The following ASH2L variants were observed in gnomAD, a reference collection of about 807,000 sequenced individuals.
The protein encoded by ASH2L is set1/Ash2 histone methyltransferase complex subunit ASH2.
ASH2L carries 30 observed loss-of-function variants against 81.1 expected under a neutral mutation model. The observed-to-expected ratio is 0.37, with a 90% CI of 0.28 to 0.50. The LOEUF (loss-of-function observed/expected upper bound fraction) is 0.50. Ranked by LOEUF, ASH2L falls within the 20% of genes least tolerant of loss-of-function variation. ASH2L has a pLI of 0.95. For missense variants in ASH2L, 559 were observed against 792.1 expected (o/e 0.71, Z 3.53); for synonymous variants, 273 against 279.9 (o/e 0.98, Z 0.24).
At chr8:38,122,033 T>C (rs1801650807) in intron 10 of ASH2L, among the ~76,000 whole-genome samples, 2 of 152,186 alleles carry the variant, frequency 1.3e-5, no homozygotes, top group South Asian at 4.1e-4. Flanking sequence ...ATGACTGTGT[T>C]GTATGATGAT....
intron 9 of ASH2L, among the ~76,000 whole-genome samples, chr8:38,120,082 G>A (rs1018724441): frequency 2.0e-5 from 3 of 152,204 alleles, no homozygotes; most frequent in African/African-American, 4.8e-5. Context: ...CTGAGATCGC[G>A]CTATCGCACT....
At chr8:38,112,311 T>C (rs1452315993) in intron 5 of ASH2L, among the ~76,000 whole-genome samples, 3 of 151,970 alleles carry the variant, frequency 2.0e-5, no homozygotes, top group Admixed American at 2.0e-4. Context: ...TTTATTTATT[T>C]ATTTATTTAT....
chr8:38,130,723 C>A (rs1214512949), intron 12 of ASH2L, among the ~76,000 whole-genome samples: 1 of 152,032 alleles, frequency 6.6e-6, no homozygotes, highest in African/African-American at 2.4e-5. Context: ...CTTAGCCTCC[C>A]GATTAGCTGG....
intron 10 of ASH2L, among the ~76,000 whole-genome samples, chr8:38,125,976 G>T (rs1004885207): frequency 2.0e-5 from 3 of 152,064 alleles, no homozygotes; most frequent in Non-Finnish European, 4.4e-5. Flanking sequence ...GGCCAAAGTG[G>T]GTAGATAACC....
chr8:38,112,829 G>A (rs1446317327), intron 5 of ASH2L, among the ~76,000 whole-genome samples: 1 of 152,152 alleles, frequency 6.6e-6, no homozygotes, highest in Non-Finnish European at 1.5e-5. Context: ...AGTTGTTAGA[G>A]TAGTAGTTGT....
chr8:38,116,224 G>A (rs1585576400), intron 7 of ASH2L, among the ~76,000 whole-genome samples: 1 of 152,082 alleles, frequency 6.6e-6, no homozygotes, highest in East Asian at 1.9e-4. Context: ...ACTTTAGCTG[G>A]GTATGGCAGC....
At chr8:38,125,621 AAAT>A (rs1371365282) in intron 10 of ASH2L, among the ~76,000 whole-genome samples, 1 of 151,920 alleles carries the variant, frequency 6.6e-6, no homozygotes, top group Non-Finnish European at 1.5e-5. Context: ...AAAAAAAAAA[AAAT>A]GCAGATATTT....
intron 10 of ASH2L, among the ~76,000 whole-genome samples, chr8:38,125,865 A>T (rs1181323055): frequency 6.6e-6 from 1 of 152,180 alleles, no homozygotes; most frequent in African/African-American, 2.4e-5. Flanking sequence ...ACATTACCTC[A>T]TTGGAGTTCC....
rs776669460 is a variant in ASH2L, at chr8:38,116,653, C to G, written c.781C>G (p.Leu261Val). The change falls in exon 8 of 16, where the codon CTT becomes GTT. Residue 261 changes from leucine to valine, a missense_variant. Leu to Val is a conservative substitution (Grantham distance 32). Around this residue, in one of 4 missense-constraint regions of ASH2L, gnomAD observed 318 missense variants for 527.0 expected, o/e 0.60. Coordinates refer to ENST00000343823, the MANE Select transcript of ASH2L (RefSeq NM_004674.5). ...YPKFGLLDQD[L>V]SNIGPAYDNQ... is the part of the protein sequence containing the mutation. ...TTAATTGGATGTATTTTTGCAGGACCTTAGTAACATTGGTCCTGCTTATGA... is the reference window on the plus strand; with the variant it reads ...TTAATTGGATGTATTTTTGCAGGACGTTAGTAACATTGGTCCTGCTTATGA... 1 of 1,611,310 alleles carries G rather than the reference C, an allele frequency of 6.2e-7. No individual in the cohort carries two copies. The highest frequency in any genetic ancestry group is 8.5e-7 in the Non-Finnish European group (1 of 1,179,224).
At chr8:38,119,201 A>G (rs1261065981) in intron 8 of ASH2L, 69 bp from the exon 9 acceptor site, 16 of 1,394,440 alleles carry the variant, frequency 1.1e-5, no homozygotes, top group African/African-American at 2.9e-5. Flanking sequence ...GTTGGTCCCT[A>G]TGGAATTTCA....
At chr8:38,116,338 C>T (rs934500206) in intron 7 of ASH2L, among the ~76,000 whole-genome samples, 1 of 150,476 alleles carries the variant, frequency 6.6e-6, no homozygotes, top group Non-Finnish European at 1.5e-5. Flanking sequence ...TGCACTCCAG[C>T]CTGGGTGACA....
chr8:38,132,531 G>A (rs1802099316), intron 12 of ASH2L, among the ~76,000 whole-genome samples: 1 of 152,202 alleles, frequency 6.6e-6, no homozygotes, highest in Admixed American at 6.5e-5. Flanking sequence ...TGGTGCAGTG[G>A]CTCGTGCCTG....
At chr8:38,109,497 T>C (rs1276045879) in intron 3 of ASH2L, among the ~76,000 whole-genome samples, 1 of 152,256 alleles carries the variant, frequency 6.6e-6, no homozygotes, top group East Asian at 1.9e-4. Flanking sequence ...TCTGTTACTT[T>C]GCCCTTTGCA....
chr8:38,133,872 G>A (rs2130577033), intron 13 of ASH2L, among the ~76,000 whole-genome samples: 1 of 152,226 alleles, frequency 6.6e-6, no homozygotes, highest in Admixed American at 6.5e-5. Flanking sequence ...GCGGTTTTGT[G>A]GAATAGAAAA....
chr8:38,128,571 G>A, intron 11 of ASH2L, 113 bp downstream of exon 11: 2 of 1,476,886 alleles, frequency 1.4e-6, no homozygotes, highest in South Asian at 2.7e-5. Context: ...ATAGAATTCA[G>A]TTCCTGAGGG....
At chr8:38,112,111 A>T (rs1460144328) in intron 5 of ASH2L, among the ~76,000 whole-genome samples, 3 of 152,080 alleles carry the variant, frequency 2.0e-5, no homozygotes, top group Non-Finnish European at 4.4e-5. Flanking sequence ...TGTTCAAGCT[A>T]TTCTCCCACC....
At chr8:38,110,156 G>A (rs78934323) in intron 3 of ASH2L, among the ~76,000 whole-genome samples, 14,632 of 152,100 alleles carry the variant, frequency 0.096, 1,371 homozygotes, top group East Asian at 0.24. Flanking sequence ...AAAAAAATAC[G>A]AAAATTAGCT....
rs1802405506 is a variant in ASH2L at position 38,139,891 on chromosome 8, G to C, written c.*820G>C. 6.6e-6 allele frequency: 1 copy of C among 152,110 alleles called. No homozygotes were observed. Among genetic ancestry groups the C allele is most frequent in the African/African-American group, 2.4e-5 (1 of 41,412 alleles). 9.4% of individuals were successfully genotyped at this position (152,110 alleles called of 1,614,324 possible). ...CTTTCCTGTGAAAATCTGCCACCTT[G>C]AGGAGAGGAACAAGAGTTTAAAAGG... On this transcript the variant is annotated 3_prime_UTR_variant, in exon 16 of 16. Transcript: ENST00000343823.
chr8:38,110,300 A>G, intron 3 of ASH2L, 79 bp from the exon 4 acceptor site: 7 of 1,099,624 alleles, frequency 6.4e-6, no homozygotes, highest in Non-Finnish European at 9.8e-6. Context: ...TGGTAGAGTG[A>G]GAGCCTGTCT....
Sources: gnomAD v4.1 joint callset for allele counts (sites outside exome capture counted in the v4.1 genomes callset) on GRCh38, gnomAD v4.1.1 for gene constraint, gnomAD v4.1.1 regional missense constraint, MANE v1.5 for transcripts, NCBI Gene and HGNC (gene_info 2026-07-23, HGNC 2026-07-21) for gene names.